Variants in DPYD observed in about 807,000 individuals in gnomAD.
DPYD encodes dihydropyrimidine dehydrogenase [NADP(+)].
Under a neutral mutation model 116.2 loss-of-function variants are expected in DPYD, and 109 were observed. The ratio of observed to expected loss-of-function variants is 0.94; its 90% CI spans 0.80 to 1.10. The LOEUF is 1.10. Ranked by LOEUF, DPYD falls within the 50% of genes least tolerant of loss-of-function variation. DPYD has a pLI of 0.00. For synonymous variants in DPYD, 440 were observed against 432.0 expected (o/e 1.02, Z -0.23); for missense variants, 1,302 against 1,254.5 (o/e 1.04, Z -0.57).
intron 14 of DPYD, among the ~76,000 whole-genome samples, chr1:97,447,778 C>T (rs1409113618): frequency 6.6e-6 from 1 of 151,544 alleles, no homozygotes; most frequent in Non-Finnish European, 1.5e-5. Context: ...CTTACTCCTA[C>T]CCAAAAAAGA....
chr1:97,698,781 T>C (rs1437740635), intron 6 of DPYD, among the ~76,000 whole-genome samples: 1 of 151,948 alleles, frequency 6.6e-6, no homozygotes, highest in African/African-American at 2.4e-5. Flanking sequence ...TATAGAGTTC[T>C]GTTTATTTTC....
At chr1:97,550,072 TA>T (rs1162039634) in intron 11 of DPYD, among the ~76,000 whole-genome samples, 1 of 152,198 alleles carries the variant, frequency 6.6e-6, no homozygotes, top group Non-Finnish European at 1.5e-5. Context: ...TACATTTTTC[TA>T]AAACTTTATT....
Position 97,450,054 on chromosome 1 carries a change from C to G in DPYD, c.1905+5G>C, listed in dbSNP as rs373620536. ...CTCTTGTTTTAGATGTTAAATCACA[C>G]TTACGTTGTCTGGAAAGTCAGCCTT... On this transcript the variant is annotated splice_donor_5th_base_variant and intron_variant, in intron 14 of 22. Transcript: ENST00000370192. 1 of 1,613,838 alleles carries G rather than the reference C, an allele frequency of 6.2e-7. No individual in the cohort carries two copies.
chr1:97,733,916 T>C (rs1042897099), intron 4 of DPYD, among the ~76,000 whole-genome samples: 7 of 152,032 alleles, frequency 4.6e-5, no homozygotes, highest in African/African-American at 1.7e-4. Context: ...CTAATTTTAA[T>C]ATGATTAATA....
At chr1:97,530,981 T>C (rs1649577929) in intron 12 of DPYD, among the ~76,000 whole-genome samples, 1 of 151,880 alleles carries the variant, frequency 6.6e-6, no homozygotes. Flanking sequence ...TATTTTGCTA[T>C]TGAATTTTAA....
intron 2 of DPYD, among the ~76,000 whole-genome samples, chr1:97,861,778 T>A (rs889782170): frequency 6.6e-6 from 1 of 151,972 alleles, no homozygotes; most frequent in African/African-American, 2.4e-5. Context: ...ATGACAATAC[T>A]AATTGTTGGA....
intron 2 of DPYD, among the ~76,000 whole-genome samples, chr1:97,869,056 C>A (rs998636304): frequency 6.6e-6 from 1 of 151,818 alleles, no homozygotes; most frequent in Non-Finnish European, 1.5e-5. Flanking sequence ...TTCTGATTTT[C>A]AGTACATGTT....
chr1:97,234,544 C>T (rs1364788186), intron 19 of DPYD, among the ~76,000 whole-genome samples: 1 of 152,014 alleles, frequency 6.6e-6, no homozygotes, highest in Non-Finnish European at 1.5e-5. Flanking sequence ...CTCAGATTTC[C>T]TCATGTATTG....
At chr1:97,258,276 C>T (rs1663642372) in intron 18 of DPYD, among the ~76,000 whole-genome samples, 1 of 152,146 alleles carries the variant, frequency 6.6e-6, no homozygotes, top group South Asian at 2.1e-4. Context: ...CCACTTCATG[C>T]TTTGCTAAAC....
At chr1:97,172,889 TAC>T (rs1656834616) in intron 20 of DPYD, among the ~76,000 whole-genome samples, 1 of 152,166 alleles carries the variant, frequency 6.6e-6, no homozygotes, top group Non-Finnish European at 1.5e-5. Context: ...ACATAAACCT[TAC>T]AGTGTTTTCA....
intron 18 of DPYD, among the ~76,000 whole-genome samples, chr1:97,273,734 C>T (rs1664746856): frequency 6.6e-6 from 1 of 152,216 alleles, no homozygotes; most frequent in Non-Finnish European, 1.5e-5. Context: ...TGTTCTCTTT[C>T]TTGCATGAGT....
At chr1:97,316,774 C>T (rs576764238) in intron 16 of DPYD, among the ~76,000 whole-genome samples, 2 of 151,908 alleles carry the variant, frequency 1.3e-5, no homozygotes, top group East Asian at 3.9e-4. Context: ...CCCTCTGAGC[C>T]TCTATGCCTG....
chr1:97,368,326 T>C (rs927801381), intron 16 of DPYD, among the ~76,000 whole-genome samples: 1 of 152,126 alleles, frequency 6.6e-6, no homozygotes, highest in Non-Finnish European at 1.5e-5. Context: ...CTATCCTGTA[T>C]ATAAGGGAGA....
At chr1:97,191,379 C>G (rs75571864) in intron 20 of DPYD, among the ~76,000 whole-genome samples, 11 of 152,084 alleles carry the variant, frequency 7.2e-5, no homozygotes, top group Non-Finnish European at 1.3e-4. Flanking sequence ...TATTACCAGA[C>G]CATCTGCTTA....
At chr1:97,238,388 T>C (rs1461982742) in intron 18 of DPYD, among the ~76,000 whole-genome samples, 1 of 152,132 alleles carries the variant, frequency 6.6e-6, no homozygotes, top group Non-Finnish European at 1.5e-5. Context: ...GTTCTCAGCA[T>C]TTTTATGGGG....
intron 18 of DPYD, among the ~76,000 whole-genome samples, chr1:97,301,672 T>G (rs780539735): frequency 6.6e-6 from 1 of 151,988 alleles, no homozygotes; most frequent in Non-Finnish European, 1.5e-5. Context: ...ATACTGTTTC[T>G]CCCGAAGCAC....
chr1:97,095,413 AT>A (rs1296635158), intron 21 of DPYD, among the ~76,000 whole-genome samples: 7 of 152,138 alleles, frequency 4.6e-5, no homozygotes, highest in Non-Finnish European at 7.4e-5. Flanking sequence ...TTGGAAAAAA[AT>A]AAAGTTATAA....
intron 1 of DPYD, among the ~76,000 whole-genome samples, chr1:97,885,155 A>G (rs981866663): frequency 3.9e-5 from 6 of 152,060 alleles, no homozygotes; most frequent in African/African-American, 1.4e-4. Flanking sequence ...AATTCCTACT[A>G]GATTTAACCA....
intron 10 of DPYD, among the ~76,000 whole-genome samples, chr1:97,578,039 T>A: frequency 6.6e-6 from 1 of 151,922 alleles, no homozygotes; most frequent in East Asian, 1.9e-4. Flanking sequence ...AGAGACGGGG[T>A]TTCACTCTGT....
Sources: allele counts gnomAD v4.1 joint callset (sites outside exome capture counted in the v4.1 genomes callset), GRCh38; gene constraint gnomAD v4.1.1; transcripts MANE v1.5; gene names NCBI Gene and HGNC (gene_info 2026-07-23, HGNC 2026-07-21).